Variants in LTBP1 observed in about 807,000 individuals in gnomAD.
LTBP1 encodes the protein latent transforming growth factor beta binding protein 1.
LTBP1 carries 129 observed loss-of-function variants against 207.6 expected under a neutral mutation model. That is an observed-to-expected ratio of 0.62 (90% CI 0.54 to 0.72). The LOEUF is 0.72. LTBP1 is among the 30% of genes least tolerant of loss of function. LTBP1 has a pLI of 0.00. For missense variants in LTBP1, 2,281 were observed against 2,217.2 expected (o/e 1.03, Z -0.58); for synonymous variants, 963 against 833.7 (o/e 1.16, Z -2.67).
rs1400122663 is a variant in LTBP1 at position 33,134,402 on chromosome 2, G to A, written c.1034-391G>A. The stretch of plus-strand genomic sequence containing the variant: ...AGAGTTTATTCACCGCTAGGTGCAC[G>A]GCCAACCCCTTTGCATTACATCTGC... On this transcript the variant is annotated intron_variant, in intron 4 of 33. Transcript: ENST00000404816. This position sits in a 1 kb window ranked among gnomAD's most constrained non-coding sequence, Gnocchi z 4.4. The A allele has an allele frequency of 5.8e-6, 3 of 516,514 alleles. No individual in the cohort carries two copies. The highest frequency in any genetic ancestry group is 1.9e-5 in the African/African-American group (1 of 51,384). 32.0% of individuals were successfully genotyped at this position (516,514 alleles called of 1,614,324 possible). A position where few individuals can be genotyped will look rare whatever the true frequency, so the allele number is the denominator to read the frequency against.
At chr2:33,109,032 C>T (rs1272278032) in intron 3 of LTBP1, among the ~76,000 whole-genome samples, 2 of 152,184 alleles carry the variant, frequency 1.3e-5, no homozygotes, top group Non-Finnish European at 2.9e-5. Context: ...ATAGATTTTC[C>T]AGGCTTTCCT....
At chr2:33,254,549 GTT>G (rs531576154) in intron 11 of LTBP1, among the ~76,000 whole-genome samples, 44 of 95,532 alleles carry the variant, frequency 4.6e-4, no homozygotes, top group African/African-American at 1.5e-3. Context: ...TTTAAACTTG[GTT>G]TTTTTTTTTT....
intron 20 of LTBP1, 65 bp from the exon 21 acceptor site, chr2:33,300,386 C>G: frequency 6.4e-7 from 1 of 1,550,794 alleles, no homozygotes; most frequent in South Asian, 1.1e-5. Context: ...GAATGCATTG[C>G]AGGGAGCACT....
At chr2:33,260,641 T>C (rs2092985493) in intron 13 of LTBP1, among the ~76,000 whole-genome samples, 2 of 151,850 alleles carry the variant, frequency 1.3e-5, no homozygotes, top group Non-Finnish European at 2.9e-5. Context: ...CAGAAAGAGG[T>C]TATAGTATTT....
At chr2:33,389,060 C>T (rs542671948) in intron 31 of LTBP1, 124 bp from the exon 32 acceptor site, 76 of 1,338,146 alleles carry the variant, frequency 5.7e-5, no homozygotes, top group African/African-American at 5.4e-4. Context: ...CTCAGTGGTA[C>T]GCAGGAGATG....
chr2:33,110,695 C>T lies in LTBP1; in HGVS notation c.977C>T (p.Thr326Ile), dbSNP rs766289918. Reference sequence around the variant, plus strand: ...AAGGGGATTTCAGGAGAGCAGTCCACTGAAGGTTCTTTCCCTTTAAGATAT... The same window carrying T: ...AAGGGGATTTCAGGAGAGCAGTCCATTGAAGGTTCTTTCCCTTTAAGATAT... The part of the protein sequence containing the change: ...AQKGISGEQS[T>I]EGSFPLRYVQ... The change falls in exon 4 of 34, where the codon ACT becomes ATT. Residue 326 changes from threonine (T) to isoleucine (I), a missense_variant. By Grantham distance (89) the Thr-to-Ile change is moderately conservative. This residue lies in a region of LTBP1 where 555 missense variants were observed against 491.0 expected (regional missense o/e 1.13). Transcript: ENST00000404816. The T allele has an allele frequency of 4.8e-5, 78 of 1,614,114 alleles. No individual in the cohort carries two copies. Among genetic ancestry groups the T allele is most frequent in the Non-Finnish European group, 6.5e-5 (77 of 1,180,046 alleles).
At chr2:33,092,195 G>GCACA (rs1553403357) in intron 3 of LTBP1, among the ~76,000 whole-genome samples, 116 of 149,110 alleles carry the variant, frequency 7.8e-4, no homozygotes, top group Middle Eastern at 6.8e-3. Context: ...ACACACACAC[G>GCACA]CGCACACACA....
At chr2:33,390,449 C>G (rs757648527) in intron 32 of LTBP1, among the ~76,000 whole-genome samples, 1 of 152,030 alleles carries the variant, frequency 6.6e-6, no homozygotes, top group Non-Finnish European at 1.5e-5. Context: ...GAGCCTCGTC[C>G]ACAGCTCACA....
chr2:33,262,718 C>A lies in LTBP1; in HGVS notation c.2419-4C>A, dbSNP rs766318810. The A allele has an allele frequency of 1.3e-6, 2 of 1,529,104 alleles. No individual in the cohort carries two copies. Among genetic ancestry groups the A allele is most frequent in the Non-Finnish European group, 1.8e-6 (2 of 1,114,388 alleles). The allele number at this position is 1,529,104 out of a possible 1,614,324, so 94.7% of individuals were successfully genotyped here. On this transcript the variant is annotated splice_polypyrimidine_tract_variant and splice_region_variant and intron_variant, in intron 13 of 33. Transcript: ENST00000404816. ...TTATTCTCTTTTAAAATACAACCAT[C>A]CAGGAAATACCTTCATTGGATCAAG...
At chr2:33,017,499 C>G (rs755155512) in intron 2 of LTBP1, among the ~76,000 whole-genome samples, 1 of 152,144 alleles carries the variant, frequency 6.6e-6, no homozygotes, top group Non-Finnish European at 1.5e-5. Context: ...GGCCTGGGCA[C>G]CATACTGTGA....
chr2:33,335,128 A>T (rs1336680506), intron 24 of LTBP1, among the ~76,000 whole-genome samples: 1 of 151,696 alleles, frequency 6.6e-6, no homozygotes, highest in Non-Finnish European at 1.5e-5. Flanking sequence ...TAAAATAAAT[A>T]AGTAAGTAAG....
chr2:33,130,379 G>A lies in LTBP1; in HGVS notation c.1034-4414G>A, dbSNP rs571289933. ...AATGTGCTGTTGCGGCATTCTGGAC[G>A]AATGCTGAGGAGACTGTATTTGTTC... On this transcript the variant is annotated intron_variant, in intron 4 of 33. Transcript: ENST00000404816. Among the ~76,000 whole-genome samples, 8 of 152,318 alleles carry A rather than the reference G, an allele frequency of 5.3e-5. No homozygotes were observed. The South Asian group carries it at 1.2e-3, about 24-fold the overall frequency.
intron 22 of LTBP1, among the ~76,000 whole-genome samples, chr2:33,304,866 A>G (rs191228695): frequency 4.1e-4 from 62 of 152,360 alleles, no homozygotes; most frequent in Admixed American, 4.1e-3. Context: ...TTTCTTTCCA[A>G]ATCAGAGTCA....
intron 7 of LTBP1, among the ~76,000 whole-genome samples, chr2:33,211,514 G>A (rs1165100828): frequency 2.6e-5 from 4 of 152,160 alleles, no homozygotes; most frequent in Non-Finnish European, 5.9e-5. Flanking sequence ...AGAGAGGTTG[G>A]ATGATTTGCT....
In LTBP1 at chr2:33,274,973, G is replaced by T; in HGVS notation, c.2752G>T (p.Glu918Ter). Residue 918 changes from glutamate to a stop codon, truncating the protein, a stop_gained, in exon 17 of 34, where the codon GAG (glutamate) becomes TAG (stop). Coordinates refer to ENST00000404816, the MANE Select transcript of LTBP1 (RefSeq NM_206943.4). LOFTEE classifies it high-confidence loss of function. Reference sequence around the variant, plus strand: ...TGTATTTTTGTTAACAGATATTGATGAGTGTACTCAGGTCCAACACCTCTG... The same window carrying T: ...TGTATTTTTGTTAACAGATATTGATTAGTGTACTCAGGTCCAACACCTCTG... ...EQQRKCVDIDECTQVQHLCSQ... is the reference protein window; with the variant it reads ...EQQRKCVDID 1 of 1,613,896 alleles carries T rather than the reference G, an allele frequency of 6.2e-7. No homozygotes were observed. Among genetic ancestry groups the T allele is most frequent in the South Asian group, 1.1e-5 (1 of 91,046 alleles).
chr2:33,092,564 T>C (rs556685825), intron 3 of LTBP1, among the ~76,000 whole-genome samples: 1 of 152,328 alleles, frequency 6.6e-6, no homozygotes, highest in Non-Finnish European at 1.5e-5. Flanking sequence ...CATTCTCTCA[T>C]CATCTGTATT....
rs149187035 is a variant in LTBP1, at chr2:33,319,072, C to G, written c.3730+3803C>G. 4.0e-3 allele frequency among the ~76,000 whole-genome samples: 604 copies of G among 152,254 alleles called. 1 individual carries two copies. The highest frequency in any genetic ancestry group is 5.5e-3 in the Non-Finnish European group (377 of 68,010). ...CTATGGTTGCACCACTGTACTCCAG[C>G]CTGCGTGACAGAACCAGACCCTGTC... On this transcript the variant is annotated intron_variant, in intron 24 of 33. Coordinates refer to ENST00000404816, the MANE Select transcript of LTBP1 (RefSeq NM_206943.4).
intron 4 of LTBP1, among the ~76,000 whole-genome samples, chr2:33,131,477 A>G (rs1380099638): frequency 2.0e-5 from 3 of 152,200 alleles, no homozygotes; most frequent in African/African-American, 7.2e-5. Flanking sequence ...GGGAGAACAT[A>G]TTTTCTAATC....
chr2:33,331,737 C>T (rs538682666), intron 24 of LTBP1, among the ~76,000 whole-genome samples: 1 of 152,090 alleles, frequency 6.6e-6, no homozygotes, highest in African/African-American at 2.4e-5. Context: ...ATCTATATCC[C>T]TACCGATTTT....
Sources: gnomAD v4.1 joint callset for allele counts (sites outside exome capture counted in the v4.1 genomes callset) on GRCh38, gnomAD v4.1.1 for gene constraint, gnomAD v4.1.1 regional missense constraint, Gnocchi (gnomAD v3.1) non-coding constraint, MANE v1.5 for transcripts, NCBI Gene and HGNC (gene_info 2026-07-23, HGNC 2026-07-21) for gene names.